FOXK1: variants seen among roughly 807,000 people sequenced by gnomAD.
FOXK1 encodes forkhead box K1, also known as forkhead box protein K1.
FOXK1 carries 19 observed loss-of-function variants against 51.9 expected under a neutral mutation model. The ratio of observed to expected loss-of-function variants is 0.37; its 90% CI spans 0.26 to 0.54. The LOEUF is 0.54. Among genes scored for constraint, FOXK1 ranks in the 20% least tolerant of loss-of-function variants. The pLI, the probability that FOXK1 is intolerant of heterozygous loss-of-function variation, is 0.87. For synonymous variants in FOXK1, 537 were observed against 482.6 expected, an observed-to-expected ratio of 1.11 and a Z score of -1.48; for missense variants, 870 against 1,032.7, an observed-to-expected ratio of 0.84 and a Z score of 2.16.
chr7:4,738,328 T>C (rs1583203063), intron 1 of FOXK1, among the ~76,000 whole-genome samples: 2 of 151,232 alleles, frequency 1.3e-5, no homozygotes, highest in East Asian at 3.9e-4. Context: ...TCCCAGCTAC[T>C]TGGGAGGCTG....
At position 4,753,445 on chromosome 7, in the gene FOXK1, G is replaced by A. The variant is rs1392658212; in HGVS notation, c.747-1014G>A. Among the ~76,000 whole-genome samples, 2 of 152,086 alleles carry A rather than the reference G, an allele frequency of 1.3e-5. No individual in the cohort carries two copies. Among genetic ancestry groups the A allele is most frequent in the Non-Finnish European group, 2.9e-5 (2 of 68,006 alleles). ...TGGGTGGTTCTGGATGGTTCTGGGT[G>A]GCCTGCAGGGCAGTGCAGCAGGGAG... On this transcript the variant is annotated intron_variant, in intron 2 of 8. Transcript: ENST00000328914. The surrounding 1 kb of genome is among the most constrained non-coding windows in gnomAD (Gnocchi z 4.9).
chr7:4,714,170 A>G (rs933029551), intron 1 of FOXK1, among the ~76,000 whole-genome samples: 2 of 152,066 alleles, frequency 1.3e-5, no homozygotes, highest in Admixed American at 6.6e-5. Context: ...AAAGTTGTCT[A>G]TTTTTGAGCC....
At position 4,762,297 on chromosome 7, in the gene FOXK1, A is replaced by C. The variant is rs988877252; in HGVS notation, c.2035A>C (p.Thr679Pro). The change falls in exon 9 of 9, where the codon ACG becomes CCG. Residue 679 changes from threonine to proline, a missense_variant. Thr to Pro is a conservative substitution (Grantham distance 38). This residue lies in a region of FOXK1 where 457 missense variants were observed against 510.8 expected (regional missense o/e 0.89). Coordinates refer to ENST00000328914, the MANE Select transcript of FOXK1 (RefSeq NM_001037165.2). The surrounding 1 kb of genome is among the most constrained non-coding windows in gnomAD (Gnocchi z 5.7). ...GGAGCCAGCAGCAGCCGTCGCGGCC[A>C]CGGCCACCACCACCCCAGCCACTGC... is the stretch of plus-strand genomic sequence containing the variant. Reference protein sequence around the residue: ...PKEPAAAVAATATTTPATATT... With the variant: ...PKEPAAAVAAPATTTPATATT... 1.3e-6 allele frequency: 2 copies of C among 1,550,242 alleles called. No homozygotes were observed. Among genetic ancestry groups the C allele is most frequent in the Admixed American group, 3.9e-5 (2 of 50,998 alleles).
chr7:4,682,481 CGCCGCT>C lies in FOXK1; in HGVS notation c.177_182del (p.Leu60_Pro61del). On this transcript the variant is annotated inframe_deletion, in exon 1 of 9. Transcript: ENST00000328914. This position sits in a 1 kb window ranked among gnomAD's most constrained non-coding sequence, Gnocchi z 7.6. ...CCCGGGCCGCCGCCGCCGCCGCCAC[CGCCGCT>C]GCCTCCGGGCGCGATCGCGGGCGCG... is the stretch of plus-strand genomic sequence containing the variant. 1 of 995,726 alleles carries C rather than the reference CGCCGCT, an allele frequency of 1.0e-6. No individual in the cohort carries two copies. Among genetic ancestry groups the C allele is most frequent in the Non-Finnish European group, 1.2e-6 (1 of 838,620 alleles). 61.7% of individuals were successfully genotyped at this position (995,726 alleles called of 1,614,324 possible). A position where few individuals can be genotyped will look rare whatever the true frequency, so the allele number is the denominator to read the frequency against.
rs145399016 is a variant in FOXK1 at position 4,747,912 on chromosome 7, C to A, written c.747-6547C>A. Among the ~76,000 whole-genome samples, 16 of 152,208 alleles carry A rather than the reference C, an allele frequency of 1.1e-4. No individual in the cohort carries two copies. The South Asian group carries it at 3.3e-3, about 32-fold the overall frequency. The stretch of plus-strand genomic sequence containing the variant: ...CCAGGCCGGAGTGCAGTGGTCCGGT[C>A]ACGGCTCGCTGCAGCCTCGACCTCC... On this transcript the variant is annotated intron_variant, in intron 2 of 8. Coordinates refer to ENST00000328914, the MANE Select transcript of FOXK1 (RefSeq NM_001037165.2). The surrounding 1 kb of genome is among the most constrained non-coding windows in gnomAD (Gnocchi z 9.2).
At chr7:4,760,142 T>C (rs912582120) in intron 7 of FOXK1, 2 of 153,564 alleles carry the variant, frequency 1.3e-5, no homozygotes, top group African/African-American at 4.8e-5. Context: ...TGAGTTGTGT[T>C]GCGGCCTTGC....
At chr7:4,719,066 C>T (rs1410116673) in intron 1 of FOXK1, among the ~76,000 whole-genome samples, 1 of 152,190 alleles carries the variant, frequency 6.6e-6, no homozygotes, top group East Asian at 1.9e-4. Context: ...ACCTTGGCCT[C>T]CCAAAGTGCT....
intron 1 of FOXK1, among the ~76,000 whole-genome samples, chr7:4,736,328 C>T (rs1780551751): frequency 6.6e-6 from 1 of 151,932 alleles, no homozygotes; most frequent in Non-Finnish European, 1.5e-5. Context: ...GGCATTAGAT[C>T]CCTAGATCCC....
intron 1 of FOXK1, among the ~76,000 whole-genome samples, chr7:4,739,599 G>C (rs766202034): frequency 3.9e-5 from 6 of 152,192 alleles, no homozygotes; most frequent in Non-Finnish European, 5.9e-5. Flanking sequence ...CCTGACGCTT[G>C]CGGCTGGCTT....
In FOXK1 at chr7:4,683,522, T is replaced by C. The variant is rs61707771; in HGVS notation, c.560+654T>C. Reference sequence around the variant, plus strand: ...ACCCAGCTGGGTTACTGAGGTCACCTTGACCCCAGTCCCTGCTGCCTGGGC... The same window carrying C: ...ACCCAGCTGGGTTACTGAGGTCACCCTGACCCCAGTCCCTGCTGCCTGGGC... On this transcript the variant is annotated intron_variant, in intron 1 of 8. Coordinates refer to ENST00000328914, the MANE Select transcript of FOXK1 (RefSeq NM_001037165.2). This position sits in a 1 kb window ranked among gnomAD's most constrained non-coding sequence, Gnocchi z 4.5. 0.17 allele frequency among the ~76,000 whole-genome samples: 25,378 copies of C among 150,876 alleles called. 3,439 individuals are homozygous for C. Among genetic ancestry groups the C allele is most frequent in the African/African-American group, 0.38 (15,673 of 41,078 alleles).
At chr7:4,728,302 C>A (rs116115784) in intron 1 of FOXK1, among the ~76,000 whole-genome samples, 2 of 152,230 alleles carry the variant, frequency 1.3e-5, no homozygotes, top group African/African-American at 4.8e-5. Context: ...CTAATCATTT[C>A]TCTGTGGTTT....
intron 1 of FOXK1, among the ~76,000 whole-genome samples, chr7:4,689,940 C>G (rs1779871187): frequency 6.6e-6 from 1 of 152,114 alleles, no homozygotes; most frequent in African/African-American, 2.4e-5. Flanking sequence ...GGGCTTTGCA[C>G]TTGGGACAAG....
At chr7:4,739,144 A>G (rs561459533) in intron 1 of FOXK1, among the ~76,000 whole-genome samples, 27 of 152,290 alleles carry the variant, frequency 1.8e-4, no homozygotes, top group African/African-American at 1.9e-4. Context: ...AGATTTAAAA[A>G]CACAGTCAGG....
intron 2 of FOXK1, among the ~76,000 whole-genome samples, chr7:4,750,949 C>A (rs1347752229): frequency 6.6e-6 from 1 of 151,944 alleles, no homozygotes; most frequent in African/African-American, 2.4e-5. Flanking sequence ...GGTGATCTGC[C>A]CACCTCGGCC....
rs1176927887 is a variant in FOXK1, at chr7:4,722,173, GT to G, written c.561-18664del. Among the ~76,000 whole-genome samples the G allele has an allele frequency of 6.6e-6, 1 of 152,192 alleles. No individual in the cohort carries two copies. Among genetic ancestry groups the G allele is most frequent in the East Asian group, 1.9e-4 (1 of 5,184 alleles). On this transcript the variant is annotated intron_variant, in intron 1 of 8. Transcript: ENST00000328914. The surrounding 1 kb of genome is among the most constrained non-coding windows in gnomAD (Gnocchi z 5.1). Reference sequence around the variant, plus strand: ...GATTCAGAAGATGGCGGGGCAGGAGGTGTCTGTGTCTCAGCAGATGCTGGAT... The same window carrying G: ...GATTCAGAAGATGGCGGGGCAGGAGGGTCTGTGTCTCAGCAGATGCTGGAT...
chr7:4,761,711 G>A lies in FOXK1; in HGVS notation c.1921+423G>A, dbSNP rs191001591. On this transcript the variant is annotated intron_variant, in intron 8 of 8. Coordinates refer to ENST00000328914, the MANE Select transcript of FOXK1 (RefSeq NM_001037165.2). This position sits in a 1 kb window ranked among gnomAD's most constrained non-coding sequence, Gnocchi z 6.2. ...GACCCTGTCCCTTTAAAAAAAAAGT[G>A]GGGGGAAAGAAAACAGGGTGGAAGG... is the stretch of plus-strand genomic sequence containing the variant. 9.9e-5 allele frequency among the ~76,000 whole-genome samples: 15 copies of A among 152,116 alleles called. No individual in the cohort carries two copies. The highest frequency in any genetic ancestry group is 1.8e-4 in the Non-Finnish European group (12 of 67,984).
At chr7:4,684,011 G>C (rs565594968) in intron 1 of FOXK1, among the ~76,000 whole-genome samples, 1 of 152,074 alleles carries the variant, frequency 6.6e-6, no homozygotes, top group Non-Finnish European at 1.5e-5. Context: ...GACCCAGCTG[G>C]GCCTGGACGG....
At chr7:4,750,651 T>C (rs1405255616) in intron 2 of FOXK1, among the ~76,000 whole-genome samples, 4 of 151,906 alleles carry the variant, frequency 2.6e-5, no homozygotes. Context: ...GATTTCACCG[T>C]GTTAGCCAGG....
At chr7:4,685,507 C>A (rs1384162837) in intron 1 of FOXK1, among the ~76,000 whole-genome samples, 1 of 151,338 alleles carries the variant, frequency 6.6e-6, no homozygotes, top group Non-Finnish European at 1.5e-5. Context: ...CAGGCGTGAG[C>A]CCCTGCGCCC....
Sources: gnomAD v4.1 joint callset for allele counts (sites outside exome capture counted in the v4.1 genomes callset) on GRCh38, gnomAD v4.1.1 for gene constraint, gnomAD v4.1.1 regional missense constraint, Gnocchi (gnomAD v3.1) non-coding constraint, MANE v1.5 for transcripts, NCBI Gene and HGNC (gene_info 2026-07-23, HGNC 2026-07-21) for gene names.